Variants in WWP2 observed in about 807,000 individuals in gnomAD.
WWP2 encodes WW domain containing E3 ubiquitin protein ligase 2, also known as NEDD4-like E3 ubiquitin-protein ligase WWP2.
Under a neutral mutation model 121.0 loss-of-function variants are expected in WWP2, and 57 were observed. That is an observed-to-expected ratio of 0.47 (90% CI 0.38 to 0.59). The LOEUF is 0.59. Among genes scored for constraint, WWP2 ranks in the 20% least tolerant of loss-of-function variants. The pLI is 0.00. For missense variants in WWP2, 962 were observed against 1,158.9 expected (o/e 0.83, Z 2.47); for synonymous variants, 449 against 441.3 (o/e 1.02, Z -0.22).
chr16:69,939,558 G>A (rs1242092676), intron 23 of WWP2, 145 bp downstream of exon 23: 2 of 788,416 alleles, frequency 2.5e-6, no homozygotes, highest in Non-Finnish European at 4.0e-6. Context: ...AGATGGGGCT[G>A]TGATGGGCAT....
Position 69,937,435 on chromosome 16 carries a change from C to A in WWP2, c.2239-113C>A. On this transcript the variant is annotated intron_variant, in intron 20 of 23. Coordinates refer to ENST00000359154, the MANE Select transcript of WWP2 (RefSeq NM_001270454.2). The surrounding 1 kb of genome is among the most constrained non-coding windows in gnomAD (Gnocchi z 6.6). ...GGACTTACATTACCCATATTATTAA[C>A]GCTGACACCAAAAATAGCTAGTTGA... 1 of 1,366,744 alleles carries A rather than the reference C, an allele frequency of 7.3e-7. No individual in the cohort carries two copies. The highest frequency in any genetic ancestry group is 1.3e-5 in the South Asian group (1 of 76,466). 84.7% of individuals were successfully genotyped at this position (1,366,744 alleles called of 1,614,324 possible).
chr16:69,842,194 G>A (rs1404783474), intron 6 of WWP2, 74 bp downstream of exon 6: 38 of 1,415,016 alleles, frequency 2.7e-5, no homozygotes, highest in Non-Finnish European at 3.5e-5. Context: ...GGGACATGGC[G>A]GGGAACATTT....
intron 1 of WWP2, among the ~76,000 whole-genome samples, chr16:69,772,141 A>C (rs1041924107): frequency 1.3e-5 from 2 of 151,284 alleles, no homozygotes; most frequent in Admixed American, 1.3e-4. Flanking sequence ...TTGTATTTTT[A>C]GTAAAGACAG....
chr16:69,799,303 T>C lies in WWP2; in HGVS notation c.340+8T>C. 2 of 1,612,056 alleles carry C rather than the reference T, an allele frequency of 1.2e-6. No homozygotes were observed. The highest frequency in any genetic ancestry group is 1.1e-5 in the South Asian group (1 of 90,820). ...AGAACAATGGGGGCAAAAGTACGTA[T>C]GATGAAGGGGGTGCCGACGTGATTC... On this transcript the variant is annotated splice_region_variant and intron_variant, in intron 4 of 23. Coordinates refer to ENST00000359154, the MANE Select transcript of WWP2 (RefSeq NM_001270454.2). The surrounding 1 kb of genome is among the most constrained non-coding windows in gnomAD (Gnocchi z 4.5).
chr16:69,896,681 A>AC (rs1029308655), intron 8 of WWP2, among the ~76,000 whole-genome samples: 11 of 150,700 alleles, frequency 7.3e-5, no homozygotes, highest in East Asian at 2.0e-4. Context: ...GTTAACAAAC[A>AC]CCCCCCCAGA....
At chr16:69,820,149 C>T (rs1426256472) in intron 4 of WWP2, among the ~76,000 whole-genome samples, 4 of 152,126 alleles carry the variant, frequency 2.6e-5, no homozygotes, top group Admixed American at 2.6e-4. Context: ...AGGAGGATTA[C>T]CTGAGCTTTG....
chr16:69,888,033 C>G lies in WWP2; in HGVS notation c.704-6C>G. ...GATCTTTAAAGTATGATTTGTGCAT[C>G]TTCAGTGAATGATGAACCCACAACA... On this transcript the variant is annotated splice_region_variant and splice_polypyrimidine_tract_variant and intron_variant, in intron 7 of 23. Coordinates refer to ENST00000359154, the MANE Select transcript of WWP2 (RefSeq NM_001270454.2). 1 of 1,614,026 alleles carries G rather than the reference C, an allele frequency of 6.2e-7. No individual in the cohort carries two copies. Among genetic ancestry groups the G allele is most frequent in the East Asian group, 2.2e-5 (1 of 44,880 alleles).
rs746503953 is a variant in WWP2 at position 69,787,033 on chromosome 16, G to T, written c.23G>T (p.Arg8Leu). Reference sequence around the variant, plus strand: ...GATATGGCATCTGCCAGCTCTAGCCGGGCAGGAGTGGCCCTGCCTTTTGAG... The same window carrying T: ...GATATGGCATCTGCCAGCTCTAGCCTGGCAGGAGTGGCCCTGCCTTTTGAG... MASASSS[R>L]AGVALPFEKS... Residue 8 changes from arginine to leucine, a missense_variant, in exon 2 of 24, where the codon CGG becomes CTG. By Grantham distance (102) the Arg-to-Leu change is moderately radical. Around this residue, in one of 3 missense-constraint regions of WWP2, gnomAD observed 145 missense variants for 189.8 expected, o/e 0.76. Coordinates refer to ENST00000359154, the MANE Select transcript of WWP2 (RefSeq NM_001270454.2). 1.2e-6 allele frequency: 2 copies of T among 1,612,696 alleles called. No individual in the cohort carries two copies. Among genetic ancestry groups the T allele is most frequent in the Non-Finnish European group, 1.7e-6 (2 of 1,179,436 alleles).
chr16:69,791,893 GCTTTTTTGTTGC>G (rs896805772), intron 2 of WWP2, among the ~76,000 whole-genome samples: 4 of 152,040 alleles, frequency 2.6e-5, no homozygotes, highest in African/African-American at 4.8e-5. Flanking sequence ...ACTTCTAAAG[GCTTTTTTGTTGC>G]CTTTCTTGAA....
At chr16:69,849,982 G>T (rs762251119) in intron 6 of WWP2, among the ~76,000 whole-genome samples, 1 of 152,184 alleles carries the variant, frequency 6.6e-6, no homozygotes. Context: ...TGTGGCATGC[G>T]CCAGAAAGCT....
chr16:69,929,852 G>A (rs1045176471), intron 12 of WWP2, among the ~76,000 whole-genome samples: 1 of 152,232 alleles, frequency 6.6e-6, no homozygotes, highest in African/African-American at 2.4e-5. Context: ...ACACCCCCAA[G>A]TGAAGCTGTG....
intron 10 of WWP2, among the ~76,000 whole-genome samples, chr16:69,920,202 A>T (rs1344999626): frequency 6.6e-6 from 1 of 152,160 alleles, no homozygotes; most frequent in East Asian, 1.9e-4. Context: ...GAAACCATGG[A>T]GGACCTCAGT....
chr16:69,774,165 A>C (rs1467881716), intron 1 of WWP2, among the ~76,000 whole-genome samples: 1 of 152,110 alleles, frequency 6.6e-6, no homozygotes, highest in Non-Finnish European at 1.5e-5. Context: ...ATTCAATTAC[A>C]TCTGTTATCT....
intron 6 of WWP2, among the ~76,000 whole-genome samples, chr16:69,850,097 G>A (rs941829550): frequency 6.6e-6 from 1 of 152,076 alleles, no homozygotes; most frequent in Non-Finnish European, 1.5e-5. Context: ...ATTAAAAGAT[G>A]AAAAGTCGGC....
In WWP2 at chr16:69,861,963, C is replaced by A. The variant is rs189947724; in HGVS notation, c.576-9841C>A. Among the ~76,000 whole-genome samples the A allele has an allele frequency of 5.1e-3, 778 of 152,212 alleles. 6 individuals are homozygous for A. The highest frequency in any genetic ancestry group is 0.018 in the African/African-American group (747 of 41,540). The stretch of plus-strand genomic sequence containing the variant: ...CCCTCTTGGTTCTAGTAATCCTAGG[C>A]AAATACCGCTTACCCGGATTGGAAT... On this transcript the variant is annotated intron_variant, in intron 6 of 23. Coordinates refer to ENST00000359154, the MANE Select transcript of WWP2 (RefSeq NM_001270454.2).
At chr16:69,866,669 C>T (rs1415692810) in intron 6 of WWP2, among the ~76,000 whole-genome samples, 1 of 152,096 alleles carries the variant, frequency 6.6e-6, no homozygotes, top group East Asian at 1.9e-4. Context: ...GAGTAATACT[C>T]ATATGTATGC....
intron 9 of WWP2, among the ~76,000 whole-genome samples, chr16:69,912,955 A>AATATAT (rs1567427338): frequency 4.3e-3 from 36 of 8,300 alleles, no homozygotes; most frequent in Middle Eastern, 0.17. Context: ...AAAAAAAAAA[A>AATATAT]ATATATATAT....
chr16:69,877,983 T>C (rs2057764065), intron 7 of WWP2, among the ~76,000 whole-genome samples: 1 of 151,724 alleles, frequency 6.6e-6, no homozygotes, highest in African/African-American at 2.4e-5. Flanking sequence ...AATTTTTGTA[T>C]TTTTAGTAGA....
intron 9 of WWP2, chr16:69,909,297 T>C (rs1323352773): frequency 2.0e-6 from 2 of 988,344 alleles, no homozygotes; most frequent in Non-Finnish European, 1.2e-6. Flanking sequence ...ATGTGTCTCC[T>C]GGTCCCGAGA....
Sources: allele counts gnomAD v4.1 joint callset (sites outside exome capture counted in the v4.1 genomes callset), GRCh38; gene constraint gnomAD v4.1.1; regional missense constraint gnomAD v4.1.1; non-coding constraint Gnocchi (gnomAD v3.1); transcripts MANE v1.5; gene names NCBI Gene and HGNC (gene_info 2026-07-23, HGNC 2026-07-21).